SENP7: variants seen among roughly 807,000 people sequenced by gnomAD.
The protein encoded by SENP7 is SUMO specific peptidase 7, also known as sentrin-specific protease 7.
A neutral mutation model predicts 141.2 loss-of-function variants in SENP7; 64 were observed. The ratio of observed to expected loss-of-function variants is 0.45; its 90% CI spans 0.37 to 0.56. SENP7 has a LOEUF of 0.56. SENP7 is among the 20% of genes least tolerant of loss of function. The pLI, the probability that SENP7 is intolerant of heterozygous loss-of-function variation, is 0.00. For synonymous variants in SENP7, 382 were observed against 426.4 expected, an observed-to-expected ratio of 0.90 and a Z score of 1.28; for missense variants, 1,025 against 1,212.2, an observed-to-expected ratio of 0.85 and a Z score of 2.29.
intron 5 of SENP7, chr3:101,414,523 G>C (rs749861732): frequency 3.2e-6 from 5 of 1,576,668 alleles, no homozygotes; most frequent in Non-Finnish European, 4.4e-6. Flanking sequence ...GGAGCTTCAG[G>C]TGAAGCAGCA....
chr3:101,330,419 T>C, intron 19 of SENP7, 33 bp from the exon 20 acceptor site: 2 of 1,457,048 alleles, frequency 1.4e-6, no homozygotes, highest in South Asian at 2.4e-5. Flanking sequence ...TTATGAGTGT[T>C]TATTGCATGT....
intron 4 of SENP7, among the ~76,000 whole-genome samples, chr3:101,442,853 AAAAG>A (rs1173174294): frequency 2.0e-5 from 3 of 152,154 alleles, no homozygotes; most frequent in African/African-American, 7.2e-5. Context: ...AGACAAAAAA[AAAAG>A]AATTAATAAA....
At chr3:101,328,602 TA>T (rs1476214551) in intron 21 of SENP7, 43 bp downstream of exon 21, 1 of 1,596,318 alleles carries the variant, frequency 6.3e-7, no homozygotes, top group Non-Finnish European at 8.6e-7. Flanking sequence ...AAAGTATATC[TA>T]AATACCTCAA....
intron 6 of SENP7, among the ~76,000 whole-genome samples, chr3:101,395,271 T>C (rs1394838181): frequency 1.3e-5 from 2 of 152,238 alleles, no homozygotes; most frequent in African/African-American, 4.8e-5. Flanking sequence ...AGCAGTTTTA[T>C]AGTTTCAGGT....
intron 6 of SENP7, among the ~76,000 whole-genome samples, chr3:101,383,352 G>A (rs1262042176): frequency 3.3e-5 from 5 of 152,210 alleles, no homozygotes; most frequent in Non-Finnish European, 7.4e-5. Context: ...CAGTGGGGGA[G>A]GCACAGCCGG....
intron 17 of SENP7, 173 bp downstream of exon 17, chr3:101,337,336 G>A: frequency 2.5e-6 from 1 of 397,424 alleles, no homozygotes; most frequent in South Asian, 6.6e-5. Context: ...CCTGTCATGG[G>A]CAGCAAAACA....
At chr3:101,447,727 A>T (rs1010029813) in intron 4 of SENP7, among the ~76,000 whole-genome samples, 2 of 152,156 alleles carry the variant, frequency 1.3e-5, no homozygotes, top group African/African-American at 4.8e-5. Context: ...TAAAATGATA[A>T]GCTGATTCTA....
intron 6 of SENP7, among the ~76,000 whole-genome samples, chr3:101,398,331 G>T (rs9813945): frequency 6.6e-6 from 1 of 151,890 alleles, no homozygotes; most frequent in Non-Finnish European, 1.5e-5. Flanking sequence ...GTGGTGGCAC[G>T]TGCCTGTAGT....
At chr3:101,502,111 G>GA (rs2065405449) in intron 1 of SENP7, among the ~76,000 whole-genome samples, 1 of 152,174 alleles carries the variant, frequency 6.6e-6, no homozygotes, top group East Asian at 1.9e-4. Context: ...AACCACAAAT[G>GA]AAAACGTTAA....
intron 7 of SENP7, among the ~76,000 whole-genome samples, chr3:101,369,494 A>C (rs1194006537): frequency 6.6e-6 from 1 of 152,182 alleles, no homozygotes; most frequent in Non-Finnish European, 1.5e-5. Context: ...TCGCCTTTCA[A>C]TTTCCAGAGA....
At chr3:101,338,831 TA>T (rs1483101943) in intron 16 of SENP7, among the ~76,000 whole-genome samples, 1 of 152,172 alleles carries the variant, frequency 6.6e-6, no homozygotes, top group Non-Finnish European at 1.5e-5. Flanking sequence ...CTTTCCTCAG[TA>T]GTAAGATTAA....
chr3:101,360,536 AAC>A (rs779053762), intron 11 of SENP7, among the ~76,000 whole-genome samples: 1 of 152,206 alleles, frequency 6.6e-6, no homozygotes, highest in Non-Finnish European at 1.5e-5. Flanking sequence ...CCTTATCCCT[AAC>A]ACAGTGAAAT....
chr3:101,382,070 C>A (rs1441878808), intron 6 of SENP7, among the ~76,000 whole-genome samples: 1 of 152,178 alleles, frequency 6.6e-6, no homozygotes, highest in Non-Finnish European at 1.5e-5. Flanking sequence ...TTTAAAATAG[C>A]AATTTGATCC....
At chr3:101,508,099 G>A (rs2065701568) in intron 1 of SENP7, among the ~76,000 whole-genome samples, 1 of 146,228 alleles carries the variant, frequency 6.8e-6, no homozygotes, top group Non-Finnish European at 1.5e-5. Flanking sequence ...CCATATTTAT[G>A]ACTGCCATCT....
chr3:101,358,346 G>T, intron 11 of SENP7: 1 of 648,404 alleles, frequency 1.5e-6, no homozygotes. Flanking sequence ...AACCTACAGA[G>T]TCAATAATGT....
chr3:101,455,651 C>A (rs571142424), intron 4 of SENP7, among the ~76,000 whole-genome samples: 1 of 152,186 alleles, frequency 6.6e-6, no homozygotes, highest in South Asian at 2.1e-4. Flanking sequence ...AAGAGAAAAA[C>A]CAAACTGGTT....
At chr3:101,512,067 G>T (rs2065882771) in intron 1 of SENP7, among the ~76,000 whole-genome samples, 1 of 152,124 alleles carries the variant, frequency 6.6e-6, no homozygotes. Context: ...TGATCCGACC[G>T]CCTCGGCCTC....
chr3:101,481,046 C>T (rs2064452756), intron 3 of SENP7, among the ~76,000 whole-genome samples: 1 of 145,894 alleles, frequency 6.9e-6, no homozygotes, highest in Non-Finnish European at 1.5e-5. Flanking sequence ...ATTAGTATAG[C>T]TATTATGAAA....
At chr3:101,513,212 G>GAAAAAAAAAAAAAAAA (rs1254138448), upstream of SENP7, 4 of 132,838 alleles carry the variant, frequency 3.0e-5, 2 homozygotes, top group Non-Finnish European at 5.1e-5. Flanking sequence ...GGAGGGGAAA[G>GAAAAAAAAAAAAAAAA]GAAAAAAAAA....
Sources: allele counts gnomAD v4.1 joint callset (sites outside exome capture counted in the v4.1 genomes callset), GRCh38; gene constraint gnomAD v4.1.1; transcripts MANE v1.5; gene names NCBI Gene and HGNC (gene_info 2026-07-23, HGNC 2026-07-21).